The following SEC22C variants were observed in gnomAD, a reference collection of about 807,000 sequenced individuals.
The protein encoded by SEC22C is SEC22 homolog C, vesicle trafficking protein, also known as vesicle-trafficking protein SEC22c.
SEC22C carries 29 observed loss-of-function variants against 34.7 expected under a neutral mutation model. The ratio of observed to expected loss-of-function variants is 0.84; its 90% CI spans 0.62 to 1.14. The LOEUF is 1.14. SEC22C is among the 50% of genes most tolerant of loss of function. SEC22C has a pLI of 0.00. For missense variants in SEC22C, 337 were observed against 369.0 expected (o/e 0.91, Z 0.71); for synonymous variants, 117 against 132.8 (o/e 0.88, Z 0.82).
In SEC22C at chr3:42,552,520, A is replaced by T. The variant is rs1322790060; in HGVS notation, c.*728T>A. The T allele has an allele frequency of 1.0e-6, 1 of 982,592 alleles. No individual in the cohort carries two copies. Among genetic ancestry groups the T allele is most frequent in the East Asian group, 1.1e-4 (1 of 8,806 alleles). The allele number at this position is 982,592 out of a possible 1,614,324, so 60.9% of individuals were successfully genotyped here. The stretch of plus-strand genomic sequence containing the variant: ...GTACTGGTTATTCAATTAATTTTTA[A>T]AATATTCGGATATACCCTGCAAATA... On this transcript the variant is annotated 3_prime_UTR_variant, in exon 7 of 7. Transcript: ENST00000264454.
At chr3:42,589,775 A>C (rs1704752014) in intron 1 of SEC22C, among the ~76,000 whole-genome samples, 1 of 152,218 alleles carries the variant, frequency 6.6e-6, no homozygotes, top group Non-Finnish European at 1.5e-5. Context: ...GAAGACAAGA[A>C]AAATTGTCTT....
Position 42,551,681 on chromosome 3 carries a change from T to G in SEC22C, c.*1567A>C. On this transcript the variant is annotated 3_prime_UTR_variant, in exon 7 of 7. Transcript: ENST00000264454. The stretch of plus-strand genomic sequence containing the variant: ...GTTTGGTCAAAAATAGAAAATTCTA[T>G]TATAAAAAATAAAGTTACTATGGCA... 1 of 963,100 alleles carries G rather than the reference T, an allele frequency of 1.0e-6. No individual in the cohort carries two copies. 59.7% of individuals were successfully genotyped at this position (963,100 alleles called of 1,614,324 possible).
chr3:42,552,270 A>AT lies in SEC22C; in HGVS notation c.*977dup, dbSNP rs1702291667. ...TGGGAAAGGTGCAGAGGAGTAATTA[A>AT]TTTTGGAGGCGCTCTGGGAACAGGT... is the stretch of plus-strand genomic sequence containing the variant. On this transcript the variant is annotated 3_prime_UTR_variant, in exon 7 of 7. Transcript: ENST00000264454. 1.0e-6 allele frequency: 1 copy of AT among 985,340 alleles called. No individual in the cohort carries two copies. Among genetic ancestry groups the AT allele is most frequent in the Non-Finnish European group, 1.2e-6 (1 of 829,944 alleles). 61.0% of individuals were successfully genotyped at this position (985,340 alleles called of 1,614,324 possible). A position where few individuals can be genotyped will look rare whatever the true frequency, so the allele number is the denominator to read the frequency against.
Position 42,548,947 on chromosome 3 carries a change from A to C in SEC22C, c.*4301T>G. On this transcript the variant is annotated 3_prime_UTR_variant, in exon 7 of 7. Transcript: ENST00000264454. ...TACCACTTTTGACCCTCATAACAGC[A>C]CCCTGGCGGGGGGGCAGATTGATGT... 1 of 1,193,014 alleles carries C rather than the reference A, an allele frequency of 8.4e-7. No individual in the cohort carries two copies. The highest frequency in any genetic ancestry group is 1.0e-6 in the Non-Finnish European group (1 of 955,944). 73.9% of individuals were successfully genotyped at this position (1,193,014 alleles called of 1,614,324 possible).
At chr3:42,580,082 G>A (rs1704220678) in intron 1 of SEC22C, among the ~76,000 whole-genome samples, 1 of 152,138 alleles carries the variant, frequency 6.6e-6, no homozygotes, top group Non-Finnish European at 1.5e-5. Flanking sequence ...CCCAGCATCT[G>A]TTTATAAACT....
intron 1 of SEC22C, among the ~76,000 whole-genome samples, chr3:42,597,932 T>C (rs1431345667): frequency 1.3e-5 from 2 of 152,122 alleles, no homozygotes; most frequent in African/African-American, 4.8e-5. Flanking sequence ...AAATAACAAG[T>C]GTTGGTGATG....
Position 42,550,992 on chromosome 3 carries a change from C to CTGAG in SEC22C, c.*2252_*2255dup, listed in dbSNP as rs1205407878. The CTGAG allele has an allele frequency of 1.3e-6, 1 of 750,536 alleles. No individual in the cohort carries two copies. The highest frequency in any genetic ancestry group is 1.9e-5 in the African/African-American group (1 of 52,288). The allele number at this position is 750,536 out of a possible 1,614,324, so 46.5% of individuals were successfully genotyped here. On this transcript the variant is annotated 3_prime_UTR_variant, in exon 7 of 7. Transcript: ENST00000264454. ...CAAGAGATTCTCCTGCCTCAGCCTCCTGAGTAGCTGGGGCTACAGGCACAA... is the reference window on the plus strand; with the variant it reads ...CAAGAGATTCTCCTGCCTCAGCCTCCTGAGTGAGTAGCTGGGGCTACAGGCACAA...
chr3:42,548,359 ATATGTACT>A lies in SEC22C; in HGVS notation c.*4881_*4888del, dbSNP rs1702088915. On this transcript the variant is annotated 3_prime_UTR_variant, in exon 7 of 7. Transcript: ENST00000264454. ...CATATAAATGTAAGGGTTAAAGGTC[ATATGTACT>A]AAGCATGGGTCAGAGGAATAGAATG... 1.1e-5 allele frequency: 6 copies of A among 529,988 alleles called. No individual in the cohort carries two copies. The highest frequency in any genetic ancestry group is 9.2e-5 in the Admixed American group (3 of 32,550). The allele number at this position is 529,988 out of a possible 1,614,324, so 32.8% of individuals were successfully genotyped here.
chr3:42,548,620 G>A lies in SEC22C; in HGVS notation c.*4628C>T, dbSNP rs145549289. ...TTTGGGTCAGGGGTGGCTGGCTCACGAGGTTTGGTCCAACCAGCAGAACCA... is the reference window on the plus strand; with the variant it reads ...TTTGGGTCAGGGGTGGCTGGCTCACAAGGTTTGGTCCAACCAGCAGAACCA... On this transcript the variant is annotated 3_prime_UTR_variant, in exon 7 of 7. Transcript: ENST00000264454. 265 of 1,613,726 alleles carry A rather than the reference G, an allele frequency of 1.6e-4. No homozygotes were observed. The East Asian group carries it at 5.7e-3, about 35-fold the overall frequency.
chr3:42,570,188 A>G lies in SEC22C; in HGVS notation c.-27-1115T>C, dbSNP rs1260410741. ...TTCATCTCAGAACCCCAAGATGCACACTACTCTTCATCTCTGTACCTCTAT... is the reference window on the plus strand; with the variant it reads ...TTCATCTCAGAACCCCAAGATGCACGCTACTCTTCATCTCTGTACCTCTAT... On this transcript the variant is annotated intron_variant, in intron 1 of 6. Coordinates refer to ENST00000264454, the MANE Select transcript of SEC22C (RefSeq NM_032970.4). 3.9e-5 allele frequency among the ~76,000 whole-genome samples: 6 copies of G among 152,146 alleles called. No individual in the cohort carries two copies. The South Asian group carries it at 1.2e-3, about 32-fold the overall frequency.
In SEC22C at chr3:42,553,123, C is replaced by G. The variant is rs548607031; in HGVS notation, c.*125G>C. 2 of 1,466,722 alleles carry G rather than the reference C, an allele frequency of 1.4e-6. No homozygotes were observed. The highest frequency in any genetic ancestry group is 2.4e-5 in the East Asian group (1 of 41,506). The allele number at this position is 1,466,722 out of a possible 1,614,324, so 90.9% of individuals were successfully genotyped here. ...CTGCAACTGTTTAACATCCCCAATTCCTGGTTTTTCAGTCCAGTTGGCTGA... is the reference window on the plus strand; with the variant it reads ...CTGCAACTGTTTAACATCCCCAATTGCTGGTTTTTCAGTCCAGTTGGCTGA... On this transcript the variant is annotated 3_prime_UTR_variant, in exon 7 of 7. Coordinates refer to ENST00000264454, the MANE Select transcript of SEC22C (RefSeq NM_032970.4).
At chr3:42,569,132 C>G (rs757668735) in intron 1 of SEC22C, 59 bp from the exon 2 acceptor site, 4 of 1,135,502 alleles carry the variant, frequency 3.5e-6, no homozygotes, top group African/African-American at 3.1e-5. Flanking sequence ...AGAAATACCC[C>G]CACCTGTGAA....
At chr3:42,576,629 G>C (rs899793327) in intron 1 of SEC22C, among the ~76,000 whole-genome samples, 8 of 151,782 alleles carry the variant, frequency 5.3e-5, no homozygotes, top group Admixed American at 4.6e-4. Flanking sequence ...AAATCAAAGT[G>C]CTAAATAAAT....
upstream of SEC22C, among the ~76,000 whole-genome samples, chr3:42,587,003 C>T (rs1233274730): frequency 6.6e-6 from 1 of 152,130 alleles, no homozygotes; most frequent in Middle Eastern, 3.2e-3. Context: ...CTTTTCTTTC[C>T]CTCCCCACTT....
At chr3:42,558,624 T>C (rs1702690448) in intron 4 of SEC22C, among the ~76,000 whole-genome samples, 1 of 147,550 alleles carries the variant, frequency 6.8e-6, no homozygotes, top group Non-Finnish European at 1.5e-5. Context: ...CCATCTCTAT[T>C]AAAAAAAAAA....
intron 4 of SEC22C, among the ~76,000 whole-genome samples, chr3:42,559,263 T>C (rs569251169): frequency 2.0e-5 from 3 of 152,358 alleles, no homozygotes; most frequent in Non-Finnish European, 4.4e-5. Context: ...TAAAAGTTAC[T>C]GTTAGAACAG....
rs566248772 is a variant in SEC22C, at chr3:42,592,810, G to T, written c.-28+8150C>A. Among the ~76,000 whole-genome samples, 3 of 152,200 alleles carry T rather than the reference G, an allele frequency of 2.0e-5. No homozygotes were observed. In the East Asian group the frequency reaches 5.8e-4, roughly 29 times the overall value. On this transcript the variant is annotated intron_variant, in intron 1 of 6. Transcript: ENST00000417572. ...AATCTCCTAGTGGGGTTTTTCAATT[G>T]CACAGGCCATGCTTTCTGAGCCCTT...
At chr3:42,598,614 C>CCA (rs1559539350) in intron 1 of SEC22C, among the ~76,000 whole-genome samples, 2 of 151,930 alleles carry the variant, frequency 1.3e-5, no homozygotes, top group Non-Finnish European at 2.9e-5. Context: ...CAGGTGTGAG[C>CCA]CACCGCACCT....
chr3:42,556,716 T>TTTTTTG (rs1298049920), intron 5 of SEC22C, among the ~76,000 whole-genome samples: 3 of 152,276 alleles, frequency 2.0e-5, no homozygotes, highest in Middle Eastern at 3.4e-3. Flanking sequence ...ATACCTCCTC[T>TTTTTTG]TTTTTGTTTT....
Sources: allele counts gnomAD v4.1 joint callset (sites outside exome capture counted in the v4.1 genomes callset), GRCh38; gene constraint gnomAD v4.1.1; transcripts MANE v1.5; gene names NCBI Gene and HGNC (gene_info 2026-07-23, HGNC 2026-07-21).